The following SHCBP1L variants were observed in gnomAD, a reference collection of about 807,000 sequenced individuals.
SHCBP1L encodes testicular spindle-associated protein SHCBP1L.
A neutral mutation model predicts 62.5 loss-of-function variants in SHCBP1L; 67 were observed. The observed-to-expected ratio is 1.07, with a 90% CI of 0.88 to 1.31. The LOEUF is 1.31. SHCBP1L is among the 40% of genes most tolerant of loss of function. The pLI, the probability that SHCBP1L is intolerant of heterozygous loss-of-function variation, is 0.00. For missense variants in SHCBP1L, 823 were observed against 809.8 expected (o/e 1.02, Z -0.20); for synonymous variants, 284 against 289.4 (o/e 0.98, Z 0.19).
At chr1:182,927,325 T>C (rs1650798530) in intron 6 of SHCBP1L, among the ~76,000 whole-genome samples, 1 of 151,804 alleles carries the variant, frequency 6.6e-6, no homozygotes, top group Admixed American at 6.6e-5. Flanking sequence ...GGGGTGGGTA[T>C]AGAGCAAGAA....
At chr1:182,926,719 C>T (rs1013452862) in intron 6 of SHCBP1L, among the ~76,000 whole-genome samples, 7 of 151,914 alleles carry the variant, frequency 4.6e-5, no homozygotes, top group Admixed American at 6.6e-5. Context: ...AGGATAAAGG[C>T]CTATGATACA....
chr1:182,927,316 G>C (rs752625650), intron 6 of SHCBP1L, among the ~76,000 whole-genome samples: 6 of 151,738 alleles, frequency 4.0e-5, no homozygotes, highest in Non-Finnish European at 7.4e-5. Context: ...TGCGTCTAAG[G>C]GGTGGGTATA....
intron 5 of SHCBP1L, among the ~76,000 whole-genome samples, chr1:182,930,551 GTATA>G (rs10536791): frequency 0.045 from 2,207 of 49,292 alleles, 58 homozygotes; most frequent in South Asian, 0.07. Flanking sequence ...TAGTGTGTGT[GTATA>G]TATATATATA....
rs1482091794 is a variant in SHCBP1L at position 182,929,670 on chromosome 1, C to A, written c.1159G>T (p.Ala387Ser). 2 of 1,572,934 alleles carry A rather than the reference C, an allele frequency of 1.3e-6. No homozygotes were observed. The highest frequency in any genetic ancestry group is 2.8e-5 in the African/African-American group (2 of 72,060). The change falls in exon 6 of 10, where the codon GCA becomes TCA. Residue 387 changes from alanine to serine, a missense_variant. Transcript: ENST00000367547. ...EFGKTITHIV[A>S]KMMTTEMIKD... ...ACCATTTCAGTAGTCATCATTTTTGCTACAATATGTGTTATAGTCTTTCCA... is the reference window on the plus strand; with the variant it reads ...ACCATTTCAGTAGTCATCATTTTTGATACAATATGTGTTATAGTCTTTCCA...
At chr1:182,934,790 T>C (rs547367233) in intron 5 of SHCBP1L, among the ~76,000 whole-genome samples, 1 of 152,180 alleles carries the variant, frequency 6.6e-6, no homozygotes, top group African/African-American at 2.4e-5. Context: ...ATGAGTCTTA[T>C]AGTTTTGAGT....
rs1021498152 is a variant in SHCBP1L, at chr1:182,899,992, G to T, written c.1953C>A (p.Val651=). 1.2e-5 allele frequency: 20 copies of T among 1,602,956 alleles called. No individual in the cohort carries two copies. Among genetic ancestry groups the T allele is most frequent in the Non-Finnish European group, 1.5e-5 (18 of 1,175,556 alleles). ...EANVKGDIRI[V]TS is the part of the protein sequence containing the mutation. ...CATCAATTCAGACGCTTTAACTTGT[G>T]ACTATTCTGATATCCCCCTTGACGT... Residue 651 remains valine (V), a synonymous_variant, in exon 10 of 10, where the codon GTC becomes GTA. Transcript: ENST00000367547.
At chr1:182,902,671 T>G (rs1456128932) in intron 9 of SHCBP1L, among the ~76,000 whole-genome samples, 1 of 152,194 alleles carries the variant, frequency 6.6e-6, no homozygotes, top group African/African-American at 2.4e-5. Context: ...TTAACACAAC[T>G]TTGAAAGTAA....
At chr1:182,952,422 A>C in intron 1 of SHCBP1L, 1 of 317,212 alleles carries the variant, frequency 3.2e-6, no homozygotes, top group Non-Finnish European at 5.7e-6. Context: ...ACCAAGATTC[A>C]TGCCTGTGCA....
At chr1:182,917,467 C>T (rs1571342285) in intron 6 of SHCBP1L, among the ~76,000 whole-genome samples, 1 of 152,182 alleles carries the variant, frequency 6.6e-6, no homozygotes, top group East Asian at 1.9e-4. Flanking sequence ...TGATCTTGAA[C>T]TCCTGACTTC....
chr1:182,928,420 G>T (rs1054032715), intron 6 of SHCBP1L, among the ~76,000 whole-genome samples: 3 of 152,144 alleles, frequency 2.0e-5, no homozygotes, highest in Non-Finnish European at 2.9e-5. Context: ...ATGTAGTCAT[G>T]ATAAAGGAAA....
chr1:182,927,581 A>C (rs924205566), intron 6 of SHCBP1L, among the ~76,000 whole-genome samples: 1 of 151,020 alleles, frequency 6.6e-6, no homozygotes, highest in African/African-American at 2.4e-5. Flanking sequence ...CTGAGGCAGG[A>C]GAATGGCGTG....
At chr1:182,924,931 GAAGGAAGAAAGAAAGA>G (rs1650672861) in intron 6 of SHCBP1L, among the ~76,000 whole-genome samples, 1 of 25,296 alleles carries the variant, frequency 4.0e-5, no homozygotes, top group Non-Finnish European at 6.1e-5. Flanking sequence ...AGGAAGGAAG[GAAGGAAGAAAGAAAGA>G]AAGAAAGAAA....
intron 2 of SHCBP1L, among the ~76,000 whole-genome samples, chr1:182,949,526 G>A (rs1318133640): frequency 2.6e-5 from 4 of 151,802 alleles, no homozygotes; most frequent in East Asian, 2.0e-4. Flanking sequence ...GTGAAATCCC[G>A]TTTTTACTAA....
Position 182,953,144 on chromosome 1 carries a change from G to A in SHCBP1L, c.-11C>T. 1 of 1,577,524 alleles carries A rather than the reference G, an allele frequency of 6.3e-7. No individual in the cohort carries two copies. Among genetic ancestry groups the A allele is most frequent in the South Asian group, 1.1e-5 (1 of 87,878 alleles). On this transcript the variant is annotated 5_prime_UTR_variant, in exon 1 of 10. Coordinates refer to ENST00000367547, the MANE Select transcript of SHCBP1L (RefSeq NM_030933.4). ...GGAGCCCGACGCCATCTCCTCAGCA[G>A]CCCGAGGGCCGAGGCAGCCGTTGGC...
At chr1:182,939,029 G>T in intron 5 of SHCBP1L, 147 bp downstream of exon 5, 1 of 584,570 alleles carries the variant, frequency 1.7e-6, no homozygotes, top group Non-Finnish European at 2.9e-6. Flanking sequence ...TTCTAATACT[G>T]ATAGTTGTAC....
At chr1:182,905,465 TA>T (rs761753227) in intron 7 of SHCBP1L, 30 bp downstream of exon 7, 8 of 1,602,416 alleles carry the variant, frequency 5.0e-6, no homozygotes, top group South Asian at 2.2e-5. Context: ...TACATTGCTG[TA>T]AAAAAAACTA....
chr1:182,923,806 C>T (rs947021505), intron 6 of SHCBP1L, among the ~76,000 whole-genome samples: 4 of 152,134 alleles, frequency 2.6e-5, no homozygotes, highest in African/African-American at 7.2e-5. Flanking sequence ...AAGCTGGAAG[C>T]GTTCCCCTTG....
chr1:182,934,413 G>A (rs1286940493), intron 5 of SHCBP1L, among the ~76,000 whole-genome samples: 1 of 152,120 alleles, frequency 6.6e-6, no homozygotes, highest in Non-Finnish European at 1.5e-5. Flanking sequence ...TCTCACTGCT[G>A]TTTTAATTTG....
chr1:182,905,385 A>G (rs1010694810), intron 7 of SHCBP1L, 111 bp downstream of exon 7: 15 of 1,133,834 alleles, frequency 1.3e-5, no homozygotes, highest in Non-Finnish European at 1.9e-5. Context: ...GGATTTTTGT[A>G]AAACATAAAT....
Sources: allele counts gnomAD v4.1 joint callset (sites outside exome capture counted in the v4.1 genomes callset), GRCh38; gene constraint gnomAD v4.1.1; transcripts MANE v1.5; gene names NCBI Gene and HGNC (gene_info 2026-07-23, HGNC 2026-07-21).